Variants in TTN observed in about 807,000 individuals in gnomAD.
TTN encodes the protein titin.
TTN carries 1,525 observed loss-of-function variants against 3,223.0 expected under a neutral mutation model. That is an observed-to-expected ratio of 0.47 (90% CI 0.45 to 0.49). TTN has a LOEUF of 0.49. TTN is among the 20% of genes least tolerant of loss of function. TTN has a pLI of 0.00. For synonymous variants in TTN, 14,094 were observed against 15,161.0 expected, an observed-to-expected ratio of 0.93 and a Z score of 5.17; for missense variants, 40,786 against 43,424.0, an observed-to-expected ratio of 0.94 and a Z score of 5.40.
chr2:178,750,205 T>C (rs761112039), intron 47 of TTN: 6 of 1,613,182 alleles, frequency 3.7e-6, no homozygotes, highest in Admixed American at 3.3e-5. Flanking sequence ...CGCCTTTTGC[T>C]TGGTCAAACA....
chr2:178,748,504 G>C, intron 47 of TTN: 1 of 1,612,908 alleles, frequency 6.2e-7, no homozygotes, highest in East Asian at 2.2e-5. Flanking sequence ...CTTGCCCTTG[G>C]AACTCCAGAG....
chr2:178,649,290 G>T lies in TTN; in HGVS notation c.40015C>A (p.Pro13339Thr). The T allele has an allele frequency of 6.7e-7, 1 of 1,482,798 alleles. No homozygotes were observed. The allele number at this position is 1,482,798 out of a possible 1,614,324, so 91.9% of individuals were successfully genotyped here. A position where few individuals can be genotyped will look rare whatever the true frequency, so the allele number is the denominator to read the frequency against. Reference sequence around the variant, plus strand: ...TCTGGTTTTTTGGTAACAGGCACAGGTTCTTTCTTTACTGGAACAAGTTTC... The same window carrying T: ...TCTGGTTTTTTGGTAACAGGCACAGTTTCTTTCTTTACTGGAACAAGTTTC... ...PKKLVPVKKE[P>T]VPVTKKPEVL... The change falls in exon 213 of 363, where the codon CCT becomes ACT. Residue 13339 changes from proline to threonine, a missense_variant. Coordinates refer to ENST00000589042, the MANE Select transcript of TTN (RefSeq NM_001267550.2).
rs727504808 is a variant in TTN, at chr2:178,567,421, A to C, written c.78711T>G (p.Ser26237=). 6.2e-7 allele frequency: 1 copy of C among 1,606,932 alleles called. No homozygotes were observed. Among genetic ancestry groups the C allele is most frequent in the Admixed American group, 1.7e-5 (1 of 58,872 alleles). The change falls in exon 326 of 363, where the codon TCT becomes TCG. Residue 26237 remains serine (S), a synonymous_variant. Transcript: ENST00000589042. ...WLRGDKEIEE[S]ARCEIKNTDF... is the part of the protein sequence containing the mutation. ...CTGTGTTCTTTATTTCACATCTAGC[A>C]GATTCTTCAATTTCCTTATCTCCTC... is the stretch of plus-strand genomic sequence containing the variant.
At chr2:178,778,347 A>G in intron 24 of TTN, 1 of 280,176 alleles carries the variant, frequency 3.6e-6, no homozygotes, top group Non-Finnish European at 6.8e-6. Flanking sequence ...CAATGAATAC[A>G]TTTATGGAAA....
chr2:178,542,002 T>G, intron 349 of TTN: 1 of 337,574 alleles, frequency 3.0e-6, no homozygotes, highest in Non-Finnish European at 5.3e-6. Flanking sequence ...CTTCCTTCCA[T>G]TCCTTTCTTC....
rs2154135586 is a variant in TTN at position 178,534,003 on chromosome 2, A to T, written c.102612T>A (p.Asp34204Glu). 1.2e-6 allele frequency: 2 copies of T among 1,613,958 alleles called. No individual in the cohort carries two copies. The highest frequency in any genetic ancestry group is 1.7e-6 in the Non-Finnish European group (2 of 1,179,866). The change falls in exon 358 of 363, where the codon GAT becomes GAA. Residue 34204 changes from aspartate to glutamate, a missense_variant. By Grantham distance (45) the Asp-to-Glu change is conservative (BLOSUM62 2). Transcript: ENST00000589042. ...LYVKDITKLD[D>E]GTYRCKVVND... ...TGACTACTTTGCATCTGTAGGTACCATCATCTAATTTGGTAATGTCTTTGA... is the reference window on the plus strand; with the variant it reads ...TGACTACTTTGCATCTGTAGGTACCTTCATCTAATTTGGTAATGTCTTTGA...
In TTN at chr2:178,548,172, T is replaced by C; in HGVS notation, c.93454A>G (p.Met31152Val). 1 of 1,613,880 alleles carries C rather than the reference T, an allele frequency of 6.2e-7. No homozygotes were observed. The highest frequency in any genetic ancestry group is 8.5e-7 in the Non-Finnish European group (1 of 1,179,814). Residue 31152 changes from methionine (M) to valine (V), a missense_variant, in exon 339 of 363, where the codon ATG (methionine) becomes GTG (valine). Physicochemically the swap from Met to Val is conservative, Grantham distance 21. Transcript: ENST00000589042. This position sits in a 1 kb window ranked among gnomAD's most constrained non-coding sequence, Gnocchi z 4.3. Reference protein sequence around the residue: ...GSRITGYLLEMRQKGSDFWVE... With the variant: ...GSRITGYLLEVRQKGSDFWVE... Reference sequence around the variant, plus strand: ...CAGAAGTCAGATCCCTTTTGTCTCATTTCAAGCAGGTAGCCAGTGATCCGG... The same window carrying C: ...CAGAAGTCAGATCCCTTTTGTCTCACTTCAAGCAGGTAGCCAGTGATCCGG...
chr2:178,637,183 A>ATATATATATATATG (rs1559999152), intron 224 of TTN, among the ~76,000 whole-genome samples, 186 bp downstream of exon 224: 1 of 131,194 alleles, frequency 7.6e-6, no homozygotes, highest in Non-Finnish European at 1.6e-5. Flanking sequence ...ATATATATAT[A>ATATATATATATATG]TATATATCTC....
intron 68 of TTN, 33 bp downstream of exon 68, chr2:178,727,552 A>C (rs1195003101): frequency 6.5e-7 from 1 of 1,531,576 alleles, no homozygotes; most frequent in African/African-American, 1.4e-5. Context: ...AGACACAGTC[A>C]GACAGAAACA....
rs371725574 is a variant in TTN, at chr2:178,684,990, C to T, written c.32471-1G>A. The T allele has an allele frequency of 1.7e-5, 27 of 1,596,668 alleles. No homozygotes were observed. The Middle Eastern group carries it at 5.0e-4, about 29-fold the overall frequency. On this transcript the variant is annotated splice_acceptor_variant, in intron 129 of 362. Transcript: ENST00000589042. LOFTEE classifies it high-confidence loss of function. ...ACAATTTTCTTAGGTGCTTCAGGAA[C>T]TTTAGAAAGATTAGGTTTAAGAATA...
rs747934823 is a variant in TTN at position 178,610,383 on chromosome 2, G to C, written c.51143C>G (p.Pro17048Arg). The C allele has an allele frequency of 6.2e-7, 1 of 1,608,062 alleles. No homozygotes were observed. Among genetic ancestry groups the C allele is most frequent in the South Asian group, 1.1e-5 (1 of 89,494 alleles). The change falls in exon 271 of 363, where the codon CCT becomes CGT. Residue 17048 changes from proline (P) to arginine (R), a missense_variant. Coordinates refer to ENST00000589042, the MANE Select transcript of TTN (RefSeq NM_001267550.2). ...TGCTTTAATATCTTTGCATGGTCCA[G>C]GTAGGCCTATTACAAAAATGGATAA... is the stretch of plus-strand genomic sequence containing the variant. Reference protein sequence around the residue: ...ASINVKVIGLPGPCKDIKASD... With the variant: ...ASINVKVIGLRGPCKDIKASD...
At position 178,764,189 on chromosome 2, in the gene TTN, C is replaced by A; in HGVS notation, c.10102G>T (p.Val3368Phe). The A allele has an allele frequency of 6.2e-7, 1 of 1,614,068 alleles. No homozygotes were observed. The highest frequency in any genetic ancestry group is 8.5e-7 in the Non-Finnish European group (1 of 1,179,970). The part of the protein sequence containing the change: ...EGQPARFQCR[V>F]SGTDLKVSWY... ...TTCTTAAACCTACCTGTTCCAGAAA[C>A]CCGGCATTGAAAACGGGCTGGCTGC... Residue 3368 changes from valine (V) to phenylalanine (F), a missense_variant, in exon 43 of 363, where the codon GTT becomes TTT. Physicochemically the swap from Val to Phe is conservative, Grantham distance 50. Coordinates refer to ENST00000589042, the MANE Select transcript of TTN (RefSeq NM_001267550.2).
At chr2:178,641,818 T>A (rs903769767) in intron 219 of TTN, among the ~76,000 whole-genome samples, 1 of 151,976 alleles carries the variant, frequency 6.6e-6, no homozygotes, top group Non-Finnish European at 1.5e-5. Flanking sequence ...TTCAGTTTTT[T>A]AAAAATGTTA....
rs754061287 is a variant in TTN at position 178,539,296 on chromosome 2, C to T, written c.98684-45G>A. 5.0e-6 allele frequency: 8 copies of T among 1,598,716 alleles called. No homozygotes were observed. In the African/African-American group the frequency reaches 9.4e-5, roughly 19 times the overall value. On this transcript the variant is annotated intron_variant, in intron 352 of 362. Transcript: ENST00000589042. Reference sequence around the variant, plus strand: ...GCACACATGTATTAGAATACAGTCCCAAGTATTATAAGCCAATGACTTTCA... The same window carrying T: ...GCACACATGTATTAGAATACAGTCCTAAGTATTATAAGCCAATGACTTTCA...
intron 98 of TTN, 119 bp from the exon 99 acceptor site, chr2:178,709,975 A>G: frequency 1.1e-6 from 1 of 951,192 alleles, no homozygotes; most frequent in Non-Finnish European, 1.5e-6. Context: ...CCAACTAAAT[A>G]CACTATATCA....
rs878854295 is a variant in TTN, at chr2:178,712,764, T to C, written c.27261A>G (p.Gly9087=). Residue 9087 remains glycine, a synonymous_variant, in exon 94 of 363, where the codon GGA becomes GGG. Coordinates refer to ENST00000589042, the MANE Select transcript of TTN (RefSeq NM_001267550.2). ...CATTGCTAACTATGCAAGTATATTC[T>C]CCACTTTGTGATGTATCTACATCGA... ...ELFDVDTSQS[G]EYTCIVSNEA... The C allele has an allele frequency of 1.1e-5, 18 of 1,613,710 alleles. No individual in the cohort carries two copies. The highest frequency in any genetic ancestry group is 1.5e-5 in the Non-Finnish European group (18 of 1,179,788).
At chr2:178,769,060 T>C (rs1289222437) in intron 37 of TTN, 127 bp from the exon 38 acceptor site, 2 of 1,099,712 alleles carry the variant, frequency 1.8e-6, no homozygotes, top group African/African-American at 3.1e-5. Context: ...AGTTTAGAGA[T>C]ATAAGCTTTG....
chr2:178,625,627 G>A (rs748770648), intron 240 of TTN, among the ~76,000 whole-genome samples: 1 of 151,822 alleles, frequency 6.6e-6, no homozygotes, highest in Non-Finnish European at 1.5e-5. Context: ...CAATGTGCAG[G>A]TTAGTTACAT....
At chr2:178,743,855 C>T (rs939371523) in intron 47 of TTN, among the ~76,000 whole-genome samples, 4 of 151,932 alleles carry the variant, frequency 2.6e-5, no homozygotes, top group Admixed American at 2.6e-4. Context: ...ATATTGTGTG[C>T]TCACTGGTTG....
Sources: gnomAD v4.1 joint callset for allele counts (sites outside exome capture counted in the v4.1 genomes callset) on GRCh38, gnomAD v4.1.1 for gene constraint, Gnocchi (gnomAD v3.1) non-coding constraint, MANE v1.5 for transcripts, NCBI Gene and HGNC (gene_info 2026-07-23, HGNC 2026-07-21) for gene names.